Variants in CDH11 observed in about 807,000 individuals in gnomAD.
The protein encoded by CDH11 is cadherin 11, also known as cadherin-11.
In CDH11, 11 loss-of-function variants were observed where a neutral mutation model predicts 67.8. The observed-to-expected ratio is 0.16, with a 90% CI of 0.10 to 0.27. CDH11 has a LOEUF of 0.27. Ranked by LOEUF, CDH11 falls within the 10% of genes least tolerant of loss-of-function variation. The pLI, the probability that CDH11 is intolerant of heterozygous loss-of-function variation, is 1.00. For synonymous variants in CDH11, 419 were observed against 400.0 expected (o/e 1.05, Z -0.57); for missense variants, 847 against 1,031.2 (o/e 0.82, Z 2.45).
intron 1 of CDH11, among the ~76,000 whole-genome samples, chr16:65,099,684 C>T (rs1269082675): frequency 6.6e-6 from 1 of 152,030 alleles, no homozygotes; most frequent in African/African-American, 2.4e-5. Context: ...GGAGATGTGC[C>T]CATGTAAATG....
At chr16:64,955,964 C>G (rs1046774701) in intron 11 of CDH11, among the ~76,000 whole-genome samples, 1 of 151,874 alleles carries the variant, frequency 6.6e-6, no homozygotes, top group Non-Finnish European at 1.5e-5. Flanking sequence ...ATGGATAACC[C>G]AAGAAAAAAA....
chr16:65,004,840 G>A lies in CDH11; in HGVS notation c.30C>T (p.Ala10=), dbSNP rs754095748. 5.1e-6 allele frequency: 8 copies of A among 1,563,738 alleles called. No individual in the cohort carries two copies. In the African/African-American group the frequency reaches 6.8e-5, roughly 13 times the overall value. MKENYCLQA[A]LVCLGMLCHS... is the part of the protein sequence containing the mutation. Reference sequence around the variant, plus strand: ...GGCACAGCATGCCCAGGCACACCAGGGCGGCTTGTAAACAGTAGTTCTCCT... The same window carrying A: ...GGCACAGCATGCCCAGGCACACCAGAGCGGCTTGTAAACAGTAGTTCTCCT... Residue 10 remains alanine, a synonymous_variant, in exon 3 of 13, where the codon GCC becomes GCT. Transcript: ENST00000268603.
chr16:64,949,948 T>C (rs1002421699), intron 12 of CDH11, among the ~76,000 whole-genome samples: 2 of 152,192 alleles, frequency 1.3e-5, no homozygotes, highest in Non-Finnish European at 2.9e-5. Context: ...TCACTGGCTT[T>C]TTCCTATGGA....
rs549865470 is a variant in CDH11 at position 65,120,520 on chromosome 16, T to C, written c.-298+1360A>G. Among the ~76,000 whole-genome samples, 19 of 152,284 alleles carry C rather than the reference T, an allele frequency of 1.2e-4. 1 individual carries two copies. The East Asian group carries it at 2.7e-3, about 22-fold the overall frequency. On this transcript the variant is annotated intron_variant, in intron 1 of 12. Coordinates refer to ENST00000268603, the MANE Select transcript of CDH11 (RefSeq NM_001797.4). Reference sequence around the variant, plus strand: ...TTCAGAGCGATCGTAGCACGATTTCTTTAGGGGGAGACGAAGGGGGAAGAC... The same window carrying C: ...TTCAGAGCGATCGTAGCACGATTTCCTTAGGGGGAGACGAAGGGGGAAGAC...
intron 8 of CDH11, among the ~76,000 whole-genome samples, chr16:64,978,392 C>G (rs2072238407): frequency 6.6e-6 from 1 of 152,206 alleles, no homozygotes; most frequent in South Asian, 2.1e-4. Context: ...GTTTCAACTA[C>G]TCAACTCTGC....
upstream of CDH11, among the ~76,000 whole-genome samples, chr16:65,123,375 AG>A (rs2075367995): frequency 6.6e-6 from 1 of 151,920 alleles, no homozygotes. Flanking sequence ...AAGACGGGGA[AG>A]GAGGCTGCGG....
intron 2 of CDH11, among the ~76,000 whole-genome samples, chr16:65,044,565 A>G (rs1245676855): frequency 6.6e-6 from 1 of 152,116 alleles, no homozygotes; most frequent in African/African-American, 2.4e-5. Flanking sequence ...GGAAAAAGGG[A>G]CAAACTATCT....
At chr16:64,964,475 T>C (rs1375342713) in intron 11 of CDH11, among the ~76,000 whole-genome samples, 1 of 152,182 alleles carries the variant, frequency 6.6e-6, no homozygotes, top group African/African-American at 2.4e-5. Flanking sequence ...AGGAAGTGGG[T>C]GAGTCACTGA....
At chr16:65,069,695 A>T (rs1287947720) in intron 1 of CDH11, among the ~76,000 whole-genome samples, 1 of 152,236 alleles carries the variant, frequency 6.6e-6, no homozygotes, top group African/African-American at 2.4e-5. Context: ...CAAATTAAAT[A>T]TTGATACCAT....
intron 1 of CDH11, among the ~76,000 whole-genome samples, chr16:65,118,420 A>T (rs930966370): frequency 2.0e-5 from 3 of 151,944 alleles, no homozygotes; most frequent in Admixed American, 2.0e-4. Flanking sequence ...CTTTTTCTTT[A>T]GCAGACCTGT....
At chr16:64,973,093 T>A (rs2072059314) in intron 8 of CDH11, 53 bp from the exon 9 acceptor site, 6 of 1,526,080 alleles carry the variant, frequency 3.9e-6, no homozygotes, top group Non-Finnish European at 5.4e-6. Context: ...AGCAGCTTAA[T>A]ATTTGAATAT....
At chr16:65,053,222 T>C (rs2074086980) in intron 2 of CDH11, among the ~76,000 whole-genome samples, 1 of 152,200 alleles carries the variant, frequency 6.6e-6, no homozygotes, top group Non-Finnish European at 1.5e-5. Flanking sequence ...CGTAGAATCC[T>C]AAAATGTAAG....
chr16:64,947,450 G>A lies in CDH11; in HGVS notation c.*153C>T, dbSNP rs1178266724. ...ATTTCACAGTATTTACCACTTTGAT[G>A]TCCTCGCAGTTTTATTAAATGTATC... On this transcript the variant is annotated 3_prime_UTR_variant, in exon 13 of 13. Coordinates refer to ENST00000268603, the MANE Select transcript of CDH11 (RefSeq NM_001797.4). 3.5e-6 allele frequency: 5 copies of A among 1,445,582 alleles called. No individual in the cohort carries two copies. Among genetic ancestry groups the A allele is most frequent in the Middle Eastern group, 2.6e-4 (1 of 3,888 alleles). The allele number at this position is 1,445,582 out of a possible 1,614,324, so 89.5% of individuals were successfully genotyped here.
rs144671854 is a variant in CDH11 at position 65,079,792 on chromosome 16, C to G, written c.-297-25864G>C. Among the ~76,000 whole-genome samples the G allele has an allele frequency of 1.2e-3, 189 of 152,294 alleles. No individual in the cohort carries two copies. In the South Asian group the frequency reaches 0.021, roughly 17 times the overall value. On this transcript the variant is annotated intron_variant, in intron 1 of 12. Transcript: ENST00000268603. ...AAACCACCTTGCTTTCTTGTCTAAC[C>G]GGGCAAATTATGCCTTCATCCTTAA...
At chr16:64,997,797 C>T (rs1281362249) in intron 4 of CDH11, among the ~76,000 whole-genome samples, 2 of 152,166 alleles carry the variant, frequency 1.3e-5, no homozygotes, top group East Asian at 3.9e-4. Flanking sequence ...GATTCCTATA[C>T]TTGCTGGATT....
intron 1 of CDH11, among the ~76,000 whole-genome samples, chr16:65,069,958 T>C (rs2074387490): frequency 6.6e-6 from 1 of 152,160 alleles, no homozygotes; most frequent in African/African-American, 2.4e-5. Context: ...TTTTGGCTGC[T>C]CTGACCTCAA....
Position 65,004,780 on chromosome 16 carries a change from G to A in CDH11, c.90C>T (p.His30=). 1 of 1,582,450 alleles carries A rather than the reference G, an allele frequency of 6.3e-7. No individual in the cohort carries two copies. The highest frequency in any genetic ancestry group is 8.6e-7 in the Non-Finnish European group (1 of 1,162,358). Residue 30 remains histidine (H), a synonymous_variant, in exon 3 of 13, where the codon CAC becomes CAT. Coordinates refer to ENST00000268603, the MANE Select transcript of CDH11 (RefSeq NM_001797.4). ...GGTGCCCATGGAAGGAGGGCCGCAG[G>A]TGCCCCCGCCGCTCTGGGGCAAAGG... ...SHAFAPERRG[H]LRPSFHGHHE... is the part of the protein sequence containing the mutation.
Position 64,971,441 on chromosome 16 carries a change from G to A in CDH11, c.1642+138C>T, listed in dbSNP as rs952943203. On this transcript the variant is annotated intron_variant, in intron 11 of 12. Transcript: ENST00000268603. ...AAATGAGCCCATGTTTCAGAACAGA[G>A]GTGGCATTATTATTTCCGGTTTCTT... 2.2e-5 allele frequency: 13 copies of A among 602,860 alleles called. No individual in the cohort carries two copies. In the African/African-American group the frequency reaches 2.3e-4, roughly 11 times the overall value. The allele number at this position is 602,860 out of a possible 1,614,324, so 37.3% of individuals were successfully genotyped here. A position where few individuals can be genotyped will look rare whatever the true frequency, so the allele number is the denominator to read the frequency against.
rs918531796 is a variant in CDH11, at chr16:65,122,007, C to G, written c.-425G>C. 5.7e-6 allele frequency: 4 copies of G among 699,598 alleles called. No homozygotes were observed. Among genetic ancestry groups the G allele is most frequent in the East Asian group, 5.4e-5 (2 of 37,048 alleles). The allele number at this position is 699,598 out of a possible 1,614,324, so 43.3% of individuals were successfully genotyped here. A position where few individuals can be genotyped will look rare whatever the true frequency, so the allele number is the denominator to read the frequency against. ...GTCAGCGGCGGCTGCGAGCGGCCCC[C>G]GCGGCATCTGCTCCTCGGCCCGCGA... On this transcript the variant is annotated 5_prime_UTR_variant, in exon 1 of 13. Coordinates refer to ENST00000268603, the MANE Select transcript of CDH11 (RefSeq NM_001797.4).
Sources: allele counts gnomAD v4.1 joint callset (sites outside exome capture counted in the v4.1 genomes callset), GRCh38; gene constraint gnomAD v4.1.1; transcripts MANE v1.5; gene names NCBI Gene and HGNC (gene_info 2026-07-23, HGNC 2026-07-21).